The following SREBF2 variants were observed in gnomAD, a reference collection of about 807,000 sequenced individuals.
SREBF2 encodes sterol regulatory element-binding protein 2.
A neutral mutation model predicts 113.1 loss-of-function variants in SREBF2; 55 were observed. That is an observed-to-expected ratio of 0.49 (90% CI 0.39 to 0.61). SREBF2 has a LOEUF of 0.61. Among genes scored for constraint, SREBF2 ranks in the 20% least tolerant of loss-of-function variants. The probability of loss-of-function intolerance (pLI) is 0.00; values close to 1 mark genes in which losing one functional copy is unlikely to be tolerated. For missense variants in SREBF2, 1,349 were observed against 1,487.4 expected (o/e 0.91, Z 1.53); for synonymous variants, 593 against 605.7 (o/e 0.98, Z 0.31).
intron 13 of SREBF2, among the ~76,000 whole-genome samples, 188 bp from the exon 14 acceptor site, chr22:41,896,864 G>A (rs1356670899): frequency 1.3e-5 from 2 of 152,150 alleles, no homozygotes; most frequent in African/African-American, 2.4e-5. Flanking sequence ...ACAGCCCAGA[G>A]ACACGGAGGA....
chr22:41,864,261 T>TATACAC (rs1204150898), intron 1 of SREBF2, among the ~76,000 whole-genome samples: 15 of 51,002 alleles, frequency 2.9e-4, no homozygotes, highest in South Asian at 8.3e-4. Context: ...TATATATATA[T>TATACAC]ACACACACAC....
chr22:41,881,030 G>A (rs1367012710), intron 10 of SREBF2, 38 bp downstream of exon 10: 6 of 1,596,388 alleles, frequency 3.8e-6, no homozygotes, highest in East Asian at 2.2e-5. Context: ...TTGCTGCAAG[G>A]CATCTCATGC....
At chr22:41,868,335 T>G (rs764276152) in intron 2 of SREBF2, among the ~76,000 whole-genome samples, 46 of 152,140 alleles carry the variant, frequency 3.0e-4, no homozygotes, top group Non-Finnish European at 8.8e-5. Context: ...TTAACTCCCT[T>G]GCTGGGTGCA....
chr22:41,897,254 G>C, intron 14 of SREBF2, 93 bp downstream of exon 14: 1 of 742,832 alleles, frequency 1.3e-6, no homozygotes, highest in Non-Finnish European at 2.2e-6. Context: ...TAGGAGTGTA[G>C]ATGCCAGCAT....
chr22:41,875,351 C>A lies in SREBF2; in HGVS notation c.1104C>A (p.Gly368=). Residue 368 remains glycine (G), a synonymous_variant, in exon 6 of 19, where the codon GGC becomes GGA. Transcript: ENST00000361204. The stretch of plus-strand genomic sequence containing the variant: ...TTCCTACCCAGATGCACAAGTCTGG[C>A]GTTCTGAGGAAGGCCATTGATTACA... The part of the protein sequence containing the change: ...MGTDAKMHKS[G]VLRKAIDYIK... 2 of 1,613,878 alleles carry A rather than the reference C, an allele frequency of 1.2e-6. No homozygotes were observed. The highest frequency in any genetic ancestry group is 1.7e-6 in the Non-Finnish European group (2 of 1,179,786).
chr22:41,890,268 A>G (rs1417956543), intron 11 of SREBF2, among the ~76,000 whole-genome samples: 1 of 152,138 alleles, frequency 6.6e-6, no homozygotes, highest in Non-Finnish European at 1.5e-5. Context: ...ACACAGTACT[A>G]TGACAGATAT....
chr22:41,848,321 TC>T (rs1219720561), intron 1 of SREBF2, among the ~76,000 whole-genome samples: 1 of 152,090 alleles, frequency 6.6e-6, no homozygotes, highest in African/African-American at 2.4e-5. Flanking sequence ...TCTCCTGACC[TC>T]ATGATCCGCC....
chr22:41,833,987 G>C lies in SREBF2; in HGVS notation c.88+629G>C, dbSNP rs944053045. On this transcript the variant is annotated intron_variant, in intron 1 of 18. Transcript: ENST00000361204. The surrounding 1 kb of genome is among the most constrained non-coding windows in gnomAD (Gnocchi z 4.1). ...GGGCGCTCCTGCTGTCACGCTGCAA[G>C]GGGAATTGAGCAGAAGAAATTTTGA... 6.5e-6 allele frequency: 1 copy of C among 152,752 alleles called. No individual in the cohort carries two copies. The highest frequency in any genetic ancestry group is 1.5e-5 in the Non-Finnish European group (1 of 68,096). 9.5% of individuals were successfully genotyped at this position (152,752 alleles called of 1,614,324 possible).
intron 1 of SREBF2, among the ~76,000 whole-genome samples, chr22:41,841,980 G>A (rs879882232): frequency 6.6e-6 from 1 of 152,180 alleles, no homozygotes; most frequent in Admixed American, 6.5e-5. Context: ...AAGTCACTTG[G>A]GAGTTTGTTC....
intron 15 of SREBF2, chr22:41,899,966 G>C (rs2269661): frequency 0.076 from 90,653 of 1,197,578 alleles, 3,664 homozygotes; most frequent in Non-Finnish European, 0.082. Context: ...CACATCTCTG[G>C]GGGGGTGGTC....
chr22:41,865,773 G>A (rs1467115887), intron 1 of SREBF2, among the ~76,000 whole-genome samples: 2 of 152,182 alleles, frequency 1.3e-5, no homozygotes, highest in African/African-American at 4.8e-5. Context: ...TCCTGGCCTG[G>A]CAACATACCT....
intron 15 of SREBF2, chr22:41,899,169 C>T (rs550996385): frequency 1.8e-6 from 2 of 1,117,748 alleles, no homozygotes; most frequent in East Asian, 6.1e-5. Flanking sequence ...CCACTGTTGC[C>T]CCCAAAACTC....
At chr22:41,881,101 T>C (rs2077241498) in intron 10 of SREBF2, 109 bp downstream of exon 10, 3 of 1,414,188 alleles carry the variant, frequency 2.1e-6, no homozygotes, top group East Asian at 2.5e-5. Context: ...CCTTTAACGC[T>C]ACTCTTTTAG....
At chr22:41,861,790 G>A (rs548408525) in intron 1 of SREBF2, among the ~76,000 whole-genome samples, 1 of 151,990 alleles carries the variant, frequency 6.6e-6, no homozygotes, top group African/African-American at 2.4e-5. Flanking sequence ...GGGCGTGGTG[G>A]TGTGTGCCTG....
intron 1 of SREBF2, among the ~76,000 whole-genome samples, chr22:41,848,124 G>C (rs1311895904): frequency 1.3e-5 from 2 of 151,674 alleles, no homozygotes; most frequent in Non-Finnish European, 2.9e-5. Flanking sequence ...ATTATACTTT[G>C]AGTTTTAGGG....
Position 41,884,871 on chromosome 22 carries a change from G to T in SREBF2, c.2068G>T (p.Asp690Tyr). 2 of 1,614,152 alleles carry T rather than the reference G, an allele frequency of 1.2e-6. No individual in the cohort carries two copies. Among genetic ancestry groups the T allele is most frequent in the Non-Finnish European group, 1.7e-6 (2 of 1,180,034 alleles). The change falls in exon 11 of 19, where the codon GAT (aspartate) becomes TAT (tyrosine). Residue 690 changes from aspartate (D) to tyrosine (Y), a missense_variant. By Grantham distance (160) the Asp-to-Tyr change is radical. This residue lies in a region of SREBF2 where 650 missense variants were observed against 644.1 expected (regional missense o/e 1.01). Coordinates refer to ENST00000361204, the MANE Select transcript of SREBF2 (RefSeq NM_004599.4). ...GCTTCCTGCAGGATCCGCCTGTTCC[G>T]ATGTACACATGGCGTTGTGTGCCGT... Reference protein sequence around the residue: ...GKLPAGSACSDVHMALCAVNL... With the variant: ...GKLPAGSACSYVHMALCAVNL...
intron 1 of SREBF2, among the ~76,000 whole-genome samples, chr22:41,843,146 A>T (rs1344422534): frequency 1.3e-5 from 2 of 152,228 alleles, no homozygotes; most frequent in African/African-American, 4.8e-5. Context: ...TTTGATAATG[A>T]ATACAAGACC....
intron 4 of SREBF2, among the ~76,000 whole-genome samples, chr22:41,871,667 G>A (rs1482850581): frequency 1.3e-5 from 2 of 151,240 alleles, no homozygotes; most frequent in South Asian, 2.1e-4. Flanking sequence ...CAAGAGGGGT[G>A]GATCACCTGA....
chr22:41,897,143 G>A lies in SREBF2; in HGVS notation c.2587G>A (p.Val863Met), dbSNP rs151291415. Reference sequence around the variant, plus strand: ...GAGCCCCCCACTCTCCAGGAGCTCCGTGCTCAAGTCCGCCCTGGGTAAGCA... The same window carrying A: ...GAGCCCCCCACTCTCCAGGAGCTCCATGCTCAAGTCCGCCCTGGGTAAGCA... The part of the protein sequence containing the change: ...VMSPPLSRSS[V>M]LKSALGPDII... Residue 863 changes from valine (V) to methionine (M), a missense_variant, in exon 14 of 19, where the codon GTG (valine) becomes ATG (methionine). Physicochemically the swap from Val to Met is conservative, Grantham distance 21. Coordinates refer to ENST00000361204, the MANE Select transcript of SREBF2 (RefSeq NM_004599.4). 36 of 1,611,372 alleles carry A rather than the reference G, an allele frequency of 2.2e-5. No homozygotes were observed. Among genetic ancestry groups the A allele is most frequent in the African/African-American group, 5.3e-5 (4 of 74,826 alleles).
Sources: allele counts gnomAD v4.1 joint callset (sites outside exome capture counted in the v4.1 genomes callset), GRCh38; gene constraint gnomAD v4.1.1; regional missense constraint gnomAD v4.1.1; non-coding constraint Gnocchi (gnomAD v3.1); transcripts MANE v1.5; gene names NCBI Gene and HGNC (gene_info 2026-07-23, HGNC 2026-07-21).